PAK5: variants seen among roughly 807,000 people sequenced by gnomAD.
The protein encoded by PAK5 is serine/threonine-protein kinase PAK 5.
A neutral mutation model predicts 65.9 loss-of-function variants in PAK5; 16 were observed. That is an observed-to-expected ratio of 0.24 (90% confidence interval 0.16 to 0.37). PAK5 has a LOEUF of 0.37. Among genes scored for constraint, PAK5 ranks in the 10% least tolerant of loss-of-function variants. The pLI is 1.00. For missense variants in PAK5, 785 were observed against 903.9 expected (o/e 0.87, Z 1.69); for synonymous variants, 371 against 354.9 (o/e 1.05, Z -0.51).
chr20:9,606,742 T>C (rs1428849258), intron 3 of PAK5, among the ~76,000 whole-genome samples: 1 of 152,238 alleles, frequency 6.6e-6, no homozygotes, highest in Non-Finnish European at 1.5e-5. Flanking sequence ...ATCGTGATTC[T>C]TGATCTGATG....
At chr20:9,789,345 C>G (rs2049025483) in intron 1 of PAK5, among the ~76,000 whole-genome samples, 1 of 152,148 alleles carries the variant, frequency 6.6e-6, no homozygotes, top group African/African-American at 2.4e-5. Context: ...AAACTGCTCT[C>G]CCTTTCAGAA....
chr20:9,691,362 G>T (rs947938354), intron 2 of PAK5, among the ~76,000 whole-genome samples: 5 of 152,084 alleles, frequency 3.3e-5, no homozygotes, highest in Non-Finnish European at 5.9e-5. Flanking sequence ...GGGTAAAGAA[G>T]AAAAGTTGTT....
intron 2 of PAK5, among the ~76,000 whole-genome samples, chr20:9,697,395 C>A (rs886299919): frequency 6.6e-6 from 1 of 152,012 alleles, no homozygotes; most frequent in Non-Finnish European, 1.5e-5. Context: ...TGTTGTTTTA[C>A]CTGCCCCAAA....
rs1290060520 is a variant in PAK5 at position 9,539,068 on chromosome 20, C to T, written c.*394G>A. The stretch of plus-strand genomic sequence containing the variant: ...TACTGCTACCATTAAGAAAAAAGTG[C>T]TTTTTGTTTTCCTTTCTTTCTTTTT... On this transcript the variant is annotated 3_prime_UTR_variant, in exon 10 of 10. Transcript: ENST00000353224. The T allele has an allele frequency of 4.3e-6, 1 of 232,302 alleles. No individual in the cohort carries two copies. Among genetic ancestry groups the T allele is most frequent in the Non-Finnish European group, 8.4e-6 (1 of 119,324 alleles). 14.4% of individuals were successfully genotyped at this position (232,302 alleles called of 1,614,324 possible). A position where few individuals can be genotyped will look rare whatever the true frequency, so the allele number is the denominator to read the frequency against.
intron 2 of PAK5, among the ~76,000 whole-genome samples, chr20:9,709,456 G>T (rs2048051044): frequency 6.6e-6 from 1 of 152,138 alleles, no homozygotes; most frequent in Admixed American, 6.6e-5. Flanking sequence ...TGTACTGATT[G>T]ATGGTTTGCA....
At chr20:9,621,989 G>T (rs946614369) in intron 3 of PAK5, among the ~76,000 whole-genome samples, 1 of 152,032 alleles carries the variant, frequency 6.6e-6, no homozygotes, top group East Asian at 1.9e-4. Context: ...ATTCTGTCAC[G>T]GGTGCCTCCT....
intron 1 of PAK5, among the ~76,000 whole-genome samples, chr20:9,729,162 G>C (rs911615389): frequency 6.6e-6 from 1 of 151,994 alleles, no homozygotes; most frequent in South Asian, 2.1e-4. Context: ...GTGAACCCAG[G>C]GGGTGGAGCT....
At chr20:9,628,053 A>G (rs2046871576) in intron 3 of PAK5, among the ~76,000 whole-genome samples, 1 of 152,040 alleles carries the variant, frequency 6.6e-6, no homozygotes, top group African/African-American at 2.4e-5. Context: ...TGTTTTATTA[A>G]TTGAGAGAGA....
Position 9,651,031 on chromosome 20 carries a change from T to C in PAK5, c.-11-6692A>G, listed in dbSNP as rs537400056. Among the ~76,000 whole-genome samples the C allele has an allele frequency of 2.4e-4, 37 of 152,300 alleles. No homozygotes were observed. The South Asian group carries it at 5.8e-3, about 24-fold the overall frequency. On this transcript the variant is annotated intron_variant, in intron 2 of 9. Transcript: ENST00000353224. ...ATCTAAAGGGTAACGGCAAAAGAAT[T>C]TTATCAAACAATCTTATTGCCTCCT...
intron 1 of PAK5, among the ~76,000 whole-genome samples, chr20:9,715,203 AAAAC>A (rs1232689162): frequency 2.6e-5 from 4 of 152,200 alleles, no homozygotes; most frequent in Non-Finnish European, 4.4e-5. Context: ...TTACAAGAAA[AAAAC>A]AAACAACCCC....
chr20:9,783,388 G>A (rs1309561496), intron 1 of PAK5, among the ~76,000 whole-genome samples: 1 of 152,170 alleles, frequency 6.6e-6, no homozygotes, highest in East Asian at 1.9e-4. Flanking sequence ...GGTCCAGATA[G>A]CTGCTTGCCT....
At chr20:9,789,420 T>A (rs993811025) in intron 1 of PAK5, among the ~76,000 whole-genome samples, 2 of 152,306 alleles carry the variant, frequency 1.3e-5, no homozygotes, top group Middle Eastern at 3.4e-3. Flanking sequence ...GGTGTCAGCA[T>A]TTATACTTTA....
chr20:9,722,102 T>G (rs568497300), intron 1 of PAK5, among the ~76,000 whole-genome samples: 82 of 151,948 alleles, frequency 5.4e-4, no homozygotes, highest in African/African-American at 1.8e-3. Context: ...GAGAAAGAGG[T>G]TAAGAAGTTC....
intron 1 of PAK5, among the ~76,000 whole-genome samples, chr20:9,746,106 C>T (rs1389851579): frequency 1.3e-5 from 2 of 152,144 alleles, no homozygotes; most frequent in Non-Finnish European, 2.9e-5. Context: ...TGGTAATGAT[C>T]TTCCAAAGAC....
At chr20:9,817,162 T>C (rs2049366673) in intron 1 of PAK5, among the ~76,000 whole-genome samples, 1 of 152,052 alleles carries the variant, frequency 6.6e-6, no homozygotes, top group Admixed American at 6.6e-5. Flanking sequence ...AATAAAGAAT[T>C]ATGTAAATAA....
Position 9,625,002 on chromosome 20 carries a change from C to T in PAK5, c.204+19123G>A, listed in dbSNP as rs139518119. Among the ~76,000 whole-genome samples, 1,136 of 152,260 alleles carry T rather than the reference C, an allele frequency of 7.5e-3. 4 individuals carry two copies. Among genetic ancestry groups the T allele is most frequent in the Non-Finnish European group, 0.012 (835 of 68,004 alleles). ...AACTGGGCATAAAATAGATGCGGGCCATTTACATCTACAAGTAGCCATTCA... is the reference window on the plus strand; with the variant it reads ...AACTGGGCATAAAATAGATGCGGGCTATTTACATCTACAAGTAGCCATTCA... On this transcript the variant is annotated intron_variant, in intron 3 of 9. Coordinates refer to ENST00000353224, the MANE Select transcript of PAK5 (RefSeq NM_177990.4).
In PAK5 at chr20:9,571,528, C is replaced by T. The variant is rs557500378; in HGVS notation, c.991-5144G>A. Among the ~76,000 whole-genome samples the T allele has an allele frequency of 5.0e-4, 76 of 152,324 alleles. 2 individuals carry two copies. Among genetic ancestry groups the T allele is most frequent in the African/African-American group, 1.6e-3 (66 of 41,570 alleles). Reference sequence around the variant, plus strand: ...CAGTCCTTCACTCCCAGTGGGAGGGCGCCCAGCACACTGGCCCACAGGCCG... The same window carrying T: ...CAGTCCTTCACTCCCAGTGGGAGGGTGCCCAGCACACTGGCCCACAGGCCG... On this transcript the variant is annotated intron_variant, in intron 4 of 9. Transcript: ENST00000353224.
chr20:9,814,513 AAG>A (rs1200086295), intron 1 of PAK5, among the ~76,000 whole-genome samples: 1 of 152,204 alleles, frequency 6.6e-6, no homozygotes, highest in African/African-American at 2.4e-5. Context: ...AGAAAGAAAA[AAG>A]AGTTGCCAAT....
At chr20:9,607,484 T>A (rs544873788) in intron 3 of PAK5, among the ~76,000 whole-genome samples, 1 of 152,302 alleles carries the variant, frequency 6.6e-6, no homozygotes, top group Non-Finnish European at 1.5e-5. Flanking sequence ...GATAAATAAG[T>A]GGCAGTAAGG....
Sources: gnomAD v4.1 joint callset for allele counts (sites outside exome capture counted in the v4.1 genomes callset) on GRCh38, gnomAD v4.1.1 for gene constraint, MANE v1.5 for transcripts, NCBI Gene and HGNC (gene_info 2026-07-23, HGNC 2026-07-21) for gene names.